ASIC2: variants seen among roughly 807,000 people sequenced by gnomAD.
The protein encoded by ASIC2 is acid sensing ion channel subunit 2, also known as acid-sensing ion channel 2.
A neutral mutation model predicts 57.3 loss-of-function variants in ASIC2; 25 were observed. The ratio of observed to expected loss-of-function variants is 0.44; its 90% CI spans 0.32 to 0.61. The LOEUF (loss-of-function observed/expected upper bound fraction) is 0.61, where lower values mean the gene tolerates loss of function less well. Ranked by LOEUF, ASIC2 falls within the 20% of genes least tolerant of loss-of-function variation. The pLI, the probability that ASIC2 is intolerant of heterozygous loss-of-function variation, is 0.06. For synonymous variants in ASIC2, 319 were observed against 307.5 expected (o/e 1.04, Z -0.39); for missense variants, 641 against 738.1 (o/e 0.87, Z 1.52).
intron 1 of ASIC2, among the ~76,000 whole-genome samples, chr17:33,464,772 C>T (rs1597737938): frequency 6.7e-6 from 1 of 150,112 alleles, no homozygotes; most frequent in East Asian, 2.0e-4. Flanking sequence ...AGCTCATTAC[C>T]TGGATACCTG....
chr17:33,148,969 G>T (rs1038399617), intron 1 of ASIC2, among the ~76,000 whole-genome samples: 3 of 151,982 alleles, frequency 2.0e-5, no homozygotes, highest in African/African-American at 7.3e-5. Context: ...TGGCAGGCAC[G>T]TGTAGTCCCA....
chr17:33,155,058 C>T (rs1023536620), intron 1 of ASIC2, among the ~76,000 whole-genome samples: 1 of 152,216 alleles, frequency 6.6e-6, no homozygotes, highest in Non-Finnish European at 1.5e-5. Flanking sequence ...CCAAGCAGCA[C>T]CTGTGAGAGC....
chr17:33,214,465 G>A (rs1597633465), intron 1 of ASIC2, among the ~76,000 whole-genome samples: 2 of 152,210 alleles, frequency 1.3e-5, no homozygotes, highest in South Asian at 4.2e-4. Flanking sequence ...GGATGAGGTG[G>A]TATATTAGAG....
chr17:33,478,516 G>A (rs1455984873), intron 1 of ASIC2, among the ~76,000 whole-genome samples: 1 of 152,212 alleles, frequency 6.6e-6, no homozygotes, highest in Admixed American at 6.5e-5. Flanking sequence ...CTTCTAGGTG[G>A]CCTGAGAGGT....
intron 1 of ASIC2, among the ~76,000 whole-genome samples, chr17:33,983,735 T>C (rs558807455): frequency 8.7e-4 from 132 of 152,314 alleles, no homozygotes; most frequent in Non-Finnish European, 1.3e-3. Flanking sequence ...TCAGCGGCTC[T>C]CAACTGGGGG....
intron 1 of ASIC2, among the ~76,000 whole-genome samples, chr17:33,539,195 T>C (rs549421646): frequency 3.7e-4 from 57 of 152,360 alleles, no homozygotes; most frequent in Admixed American, 1.2e-3. Context: ...TAGCAGATTC[T>C]TTCTCAGACA....
rs184325160 is a variant in ASIC2, at chr17:33,952,594, C to T, written c.555+203384G>A. ...GATGATATCATCAAGTCACTGAACT[C>T]GTCCAAATACAGCCTCATTTGCACT... On this transcript the variant is annotated intron_variant, in intron 1 of 9. Coordinates refer to the ASIC2 transcript ENST00000359872. Among the ~76,000 whole-genome samples the T allele has an allele frequency of 1.1e-3, 164 of 152,236 alleles. 2 individuals are homozygous for T. The highest frequency in any genetic ancestry group is 3.7e-3 in the African/African-American group (154 of 41,528).
chr17:33,333,424 T>C (rs1439093240), intron 1 of ASIC2, among the ~76,000 whole-genome samples: 2 of 152,208 alleles, frequency 1.3e-5, no homozygotes, highest in African/African-American at 4.8e-5. Flanking sequence ...ATCAGAGAGT[T>C]ATCATAAAGA....
intron 1 of ASIC2, among the ~76,000 whole-genome samples, chr17:33,225,840 G>A (rs912978003): frequency 6.6e-6 from 1 of 152,236 alleles, no homozygotes; most frequent in African/African-American, 2.4e-5. Context: ...TGGCACCAAA[G>A]GAGGCCATGG....
At chr17:33,606,123 A>G (rs1905227164) in intron 1 of ASIC2, among the ~76,000 whole-genome samples, 2 of 152,190 alleles carry the variant, frequency 1.3e-5, no homozygotes, top group South Asian at 4.1e-4. Flanking sequence ...AGCTACCACC[A>G]ATGAGCTGTT....
At chr17:33,727,599 C>G (rs1040371524) in intron 1 of ASIC2, among the ~76,000 whole-genome samples, 8 of 152,168 alleles carry the variant, frequency 5.3e-5, no homozygotes, top group Non-Finnish European at 1.2e-4. Flanking sequence ...CCATCTCTCT[C>G]TCTTGTTCCT....
chr17:33,616,883 C>T (rs1434609310), intron 1 of ASIC2, among the ~76,000 whole-genome samples: 1 of 152,198 alleles, frequency 6.6e-6, no homozygotes, highest in Non-Finnish European at 1.5e-5. Context: ...GGACACCCTC[C>T]TATAGACATT....
intron 1 of ASIC2, among the ~76,000 whole-genome samples, chr17:33,153,796 A>T (rs930209998): frequency 2.6e-5 from 4 of 152,094 alleles, no homozygotes; most frequent in Non-Finnish European, 5.9e-5. Context: ...TCCACCTAAG[A>T]TCTTGTTCCT....
chr17:33,505,789 A>G (rs1325222552), intron 1 of ASIC2, among the ~76,000 whole-genome samples: 2 of 152,156 alleles, frequency 1.3e-5, no homozygotes, highest in Non-Finnish European at 2.9e-5. Flanking sequence ...CAACCTTGCT[A>G]TCCTAGTCCT....
At chr17:33,748,020 T>C (rs1346971877) in intron 1 of ASIC2, among the ~76,000 whole-genome samples, 1 of 152,262 alleles carries the variant, frequency 6.6e-6, no homozygotes, top group Non-Finnish European at 1.5e-5. Context: ...ATCATTTCCA[T>C]TTCAGAGATG....
Position 34,103,222 on chromosome 17 carries a change from C to T in ASIC2, c.555+52756G>A, listed in dbSNP as rs370476435. ...ATGCCGTGGCACTATCATGCCTCAA[C>T]GTAGCCTCAATCTCCCAGGCTTGAG... On this transcript the variant is annotated intron_variant, in intron 1 of 9. Coordinates refer to the ASIC2 transcript ENST00000359872. Among the ~76,000 whole-genome samples, 175 of 152,284 alleles carry T rather than the reference C, an allele frequency of 1.1e-3. 3 individuals are homozygous for T. The South Asian group carries it at 0.033, about 29-fold the overall frequency.
chr17:33,170,453 GA>G (rs938647457), intron 1 of ASIC2, among the ~76,000 whole-genome samples: 1 of 152,058 alleles, frequency 6.6e-6, no homozygotes, highest in African/African-American at 2.4e-5. Flanking sequence ...GCACAAGTAG[GA>G]AAAAAATCTA....
At chr17:33,856,838 T>C (rs533328721) in intron 1 of ASIC2, among the ~76,000 whole-genome samples, 1 of 151,280 alleles carries the variant, frequency 6.6e-6, no homozygotes, top group South Asian at 2.1e-4. Flanking sequence ...CAGATGGGGG[T>C]GTATGGGACA....
At chr17:33,998,484 T>A (rs1205482135) in intron 1 of ASIC2, among the ~76,000 whole-genome samples, 1 of 152,174 alleles carries the variant, frequency 6.6e-6, no homozygotes, top group Non-Finnish European at 1.5e-5. Context: ...ATCTTTCTTT[T>A]GTCTTAATGT....
Sources: gnomAD v4.1 joint callset for allele counts (sites outside exome capture counted in the v4.1 genomes callset) on GRCh38, gnomAD v4.1.1 for gene constraint, MANE v1.5 for transcripts, NCBI Gene and HGNC (gene_info 2026-07-23, HGNC 2026-07-21) for gene names.